The following GLT8D2 variants were observed in gnomAD, a reference collection of about 807,000 sequenced individuals.
GLT8D2 encodes glycosyltransferase 8 domain containing 2.
GLT8D2 carries 45 observed loss-of-function variants against 44.5 expected under a neutral mutation model. The observed-to-expected ratio is 1.01, with a 90% CI of 0.80 to 1.30. GLT8D2 has a LOEUF of 1.30. Among genes scored for constraint, GLT8D2 ranks in the 50% most tolerant of loss-of-function variants. GLT8D2 has a pLI of 0.00. For synonymous variants in GLT8D2, 156 were observed against 157.2 expected (o/e 0.99, Z 0.06); for missense variants, 400 against 430.4 (o/e 0.93, Z 0.62).
At chr12:103,990,211 T>C (rs527602858) in intron 10 of GLT8D2, among the ~76,000 whole-genome samples, 2 of 150,904 alleles carry the variant, frequency 1.3e-5, no homozygotes, top group Non-Finnish European at 3.0e-5. Context: ...GATTGCCGCA[T>C]TGTCCCCCAA....
chr12:104,056,290 G>C (rs976268557), intron 1 of GLT8D2, among the ~76,000 whole-genome samples: 1 of 152,118 alleles, frequency 6.6e-6, no homozygotes, highest in African/African-American at 2.4e-5. Context: ...CTCTGCTATC[G>C]AGTTCTGCCC....
At chr12:104,026,371 A>G (rs943304397) in intron 1 of GLT8D2, among the ~76,000 whole-genome samples, 2 of 152,126 alleles carry the variant, frequency 1.3e-5, no homozygotes, top group Non-Finnish European at 2.9e-5. Context: ...AAAACTTTCA[A>G]CCAAACATTT....
intron 1 of GLT8D2, chr12:104,031,296 C>T: frequency 6.3e-7 from 1 of 1,580,324 alleles, no homozygotes; most frequent in African/African-American, 1.4e-5. Flanking sequence ...GAAATAGTTC[C>T]CCAGATCAAG....
At chr12:104,003,820 G>A (rs1037935900) in intron 4 of GLT8D2, among the ~76,000 whole-genome samples, 8 of 152,118 alleles carry the variant, frequency 5.3e-5, no homozygotes, top group East Asian at 1.9e-4. Context: ...TGTTTATGTC[G>A]CTATTGAAAC....
At chr12:104,015,681 G>A (rs1223830290) in intron 3 of GLT8D2, among the ~76,000 whole-genome samples, 2 of 152,026 alleles carry the variant, frequency 1.3e-5, no homozygotes, top group Non-Finnish European at 2.9e-5. Flanking sequence ...ATAGTTTTTT[G>A]CTGGAGTCTT....
intron 5 of GLT8D2, among the ~76,000 whole-genome samples, chr12:103,999,738 G>A (rs1873959040): frequency 6.6e-6 from 1 of 152,178 alleles, no homozygotes; most frequent in African/African-American, 2.4e-5. Flanking sequence ...CAAAGGAAAT[G>A]AAGCAAAATA....
At chr12:104,010,514 C>T (rs979621540) in intron 4 of GLT8D2, among the ~76,000 whole-genome samples, 13 of 152,272 alleles carry the variant, frequency 8.5e-5, no homozygotes, top group South Asian at 2.1e-4. Flanking sequence ...TTATTAATTG[C>T]GTTGGAATTT....
chr12:104,057,769 T>A (rs1215491710), intron 1 of GLT8D2, among the ~76,000 whole-genome samples: 1 of 152,240 alleles, frequency 6.6e-6, no homozygotes, highest in East Asian at 1.9e-4. Context: ...TCATGCAAAG[T>A]GAAGACTGCC....
At chr12:104,043,093 C>T (rs995850339) in intron 1 of GLT8D2, among the ~76,000 whole-genome samples, 3 of 152,204 alleles carry the variant, frequency 2.0e-5, no homozygotes, top group Non-Finnish European at 2.9e-5. Flanking sequence ...GCTTCCTGCA[C>T]GTGGCCCGGG....
At position 103,994,306 on chromosome 12, in the gene GLT8D2, G is replaced by GA. The variant is rs745775833; in HGVS notation, c.767+28dup. 5.7e-6 allele frequency: 9 copies of GA among 1,565,658 alleles called. No individual in the cohort carries two copies. In the Admixed American group the frequency reaches 1.5e-4, roughly 25 times the overall value. ...TTGAATGATTTTGTTTCCAAGCATGGAAAAAATGGTAGAGAAGCCTTCACG... is the reference window on the plus strand; with the variant it reads ...TTGAATGATTTTGTTTCCAAGCATGGAAAAAAATGGTAGAGAAGCCTTCACG... On this transcript the variant is annotated intron_variant, in intron 9 of 10. Coordinates refer to ENST00000360814, the MANE Select transcript of GLT8D2 (RefSeq NM_001384711.1).
intron 9 of GLT8D2, 37 bp downstream of exon 9, chr12:103,994,298 C>T: frequency 6.4e-7 from 1 of 1,554,546 alleles, no homozygotes; most frequent in East Asian, 2.3e-5. Context: ...ATTTTGTTTC[C>T]AAGCATGGAA....
At chr12:103,997,035 T>C (rs988533375) in intron 7 of GLT8D2, among the ~76,000 whole-genome samples, 188 bp from the exon 8 acceptor site, 1 of 152,200 alleles carries the variant, frequency 6.6e-6, no homozygotes, top group Non-Finnish European at 1.5e-5. Flanking sequence ...GGATGATGAG[T>C]TCAAACTGGC....
chr12:104,029,517 G>A (rs114908262), intron 1 of GLT8D2, among the ~76,000 whole-genome samples: 4 of 152,274 alleles, frequency 2.6e-5, no homozygotes, highest in East Asian at 3.9e-4. Flanking sequence ...TAGAAAGAGA[G>A]AGAGTGAGAG....
intron 1 of GLT8D2, among the ~76,000 whole-genome samples, chr12:104,058,542 C>A (rs1882374592): frequency 6.6e-6 from 1 of 152,124 alleles, no homozygotes; most frequent in African/African-American, 2.4e-5. Flanking sequence ...CTTTGACTAA[C>A]CCTAAGAAGC....
At chr12:104,025,304 G>A (rs1156389833) in intron 1 of GLT8D2, among the ~76,000 whole-genome samples, 1 of 151,780 alleles carries the variant, frequency 6.6e-6, no homozygotes, top group Non-Finnish European at 1.5e-5. Context: ...CACCTCCCAG[G>A]CTCAAACGAT....
chr12:104,012,040 G>A (rs1329492037), intron 4 of GLT8D2, among the ~76,000 whole-genome samples: 3 of 151,352 alleles, frequency 2.0e-5, no homozygotes, highest in Non-Finnish European at 2.9e-5. Context: ...GCATGGTGGC[G>A]CATGCCTGTA....
chr12:104,030,742 C>A, intron 1 of GLT8D2: 1 of 1,612,104 alleles, frequency 6.2e-7, no homozygotes, highest in South Asian at 1.1e-5. Flanking sequence ...CCGGAATCTG[C>A]TAATCCCAGT....
At chr12:104,036,591 C>G (rs1879953389) in intron 1 of GLT8D2, among the ~76,000 whole-genome samples, 1 of 152,214 alleles carries the variant, frequency 6.6e-6, no homozygotes, top group Admixed American at 6.5e-5. Flanking sequence ...GTAAAGGGAT[C>G]AATTCAACAA....
intron 10 of GLT8D2, among the ~76,000 whole-genome samples, chr12:103,989,965 A>T (rs1254471367): frequency 2.6e-5 from 4 of 151,772 alleles, no homozygotes; most frequent in East Asian, 3.8e-4. Flanking sequence ...GTATAGAATG[A>T]TACTATTTAT....
Sources: gnomAD v4.1 joint callset for allele counts (sites outside exome capture counted in the v4.1 genomes callset) on GRCh38, gnomAD v4.1.1 for gene constraint, MANE v1.5 for transcripts, NCBI Gene and HGNC (gene_info 2026-07-23, HGNC 2026-07-21) for gene names.